ABCB11: variants seen among roughly 807,000 people sequenced by gnomAD.
ABCB11 encodes ATP binding cassette subfamily B member 11.
Under a neutral mutation model 148.0 loss-of-function variants are expected in ABCB11, and 95 were observed. The observed-to-expected ratio is 0.64, with a 90% CI of 0.54 to 0.76. The LOEUF (loss-of-function observed/expected upper bound fraction) is 0.76. Ranked by LOEUF, ABCB11 falls within the 30% of genes least tolerant of loss-of-function variation. ABCB11 has a pLI of 0.00. For synonymous variants in ABCB11, 591 were observed against 555.4 expected (o/e 1.06, Z -0.90); for missense variants, 1,523 against 1,617.8 (o/e 0.94, Z 1.01).
At chr2:168,919,587 C>T (rs1691018478), downstream of ABCB11, among the ~76,000 whole-genome samples, 1 of 151,986 alleles carries the variant, frequency 6.6e-6, no homozygotes, top group African/African-American at 2.4e-5. Flanking sequence ...TCTGTTCTTA[C>T]ATCCCATATC....
chr2:168,944,997 A>G, intron 19 of ABCB11, 36 bp from the exon 20 acceptor site: 1 of 1,335,610 alleles, frequency 7.5e-7, no homozygotes, highest in Non-Finnish European at 1.0e-6. Flanking sequence ...TAACTTTATT[A>G]TAAATAGAAA....
chr2:168,978,779 C>T (rs187862137), intron 11 of ABCB11, among the ~76,000 whole-genome samples: 5 of 152,152 alleles, frequency 3.3e-5, no homozygotes, highest in Non-Finnish European at 5.9e-5. Flanking sequence ...AGAGCAGTGG[C>T]GCAATCATGG....
At chr2:168,965,459 GAAGA>G (rs1473360159) in intron 17 of ABCB11, among the ~76,000 whole-genome samples, 3 of 151,936 alleles carry the variant, frequency 2.0e-5, no homozygotes, top group African/African-American at 7.2e-5. Flanking sequence ...GCTGAGAAAG[GAAGA>G]GAGAGAAACT....
intron 23 of ABCB11, among the ~76,000 whole-genome samples, chr2:168,933,032 C>T (rs1691651317): frequency 6.7e-6 from 1 of 149,864 alleles, no homozygotes; most frequent in Non-Finnish European, 1.5e-5. Flanking sequence ...TGGTATGAAC[C>T]TGGGAGGCAG....
intron 12 of ABCB11, among the ~76,000 whole-genome samples, chr2:168,974,620 T>C (rs950834937): frequency 1.3e-5 from 2 of 151,992 alleles, no homozygotes; most frequent in Non-Finnish European, 2.9e-5. Context: ...TGTGCTTTTT[T>C]ATCATTATAG....
rs569339896 is a variant in ABCB11, at chr2:169,016,852, G to T, written c.77-53C>A. On this transcript the variant is annotated intron_variant, in intron 2 of 27. Coordinates refer to ENST00000650372, the MANE Select transcript of ABCB11 (RefSeq NM_003742.4). ...AAGCAGTTAATAATAATGACAAAAT[G>T]CAACGCAGTCATTAAGAAATTTGCT... 1.2e-5 allele frequency: 17 copies of T among 1,372,176 alleles called. No individual in the cohort carries two copies. In the African/African-American group the frequency reaches 1.6e-4, roughly 13 times the overall value. 85.0% of individuals were successfully genotyped at this position (1,372,176 alleles called of 1,614,324 possible). A position where few individuals can be genotyped will look rare whatever the true frequency, so the allele number is the denominator to read the frequency against.
intron 9 of ABCB11, among the ~76,000 whole-genome samples, chr2:168,988,690 T>C (rs1226530976): frequency 6.6e-6 from 1 of 152,136 alleles, no homozygotes; most frequent in East Asian, 1.9e-4. Flanking sequence ...TGAATCTCCA[T>C]ACTCTTTGGC....
Position 168,923,524 on chromosome 2 carries a change from A to T in ABCB11, c.*98T>A. 3 of 1,114,666 alleles carry T rather than the reference A, an allele frequency of 2.7e-6. No individual in the cohort carries two copies. In the South Asian group the frequency reaches 4.3e-5, roughly 16 times the overall value. 69.0% of individuals were successfully genotyped at this position (1,114,666 alleles called of 1,614,324 possible). On this transcript the variant is annotated 3_prime_UTR_variant, in exon 28 of 28. Transcript: ENST00000650372. ...ATATTAACATTCTTCTTTAAAGAAA[A>T]AACAATCCCAGCAATCCCTCCTGCT...
chr2:168,934,004 C>T (rs552189811), intron 23 of ABCB11, among the ~76,000 whole-genome samples: 24 of 152,250 alleles, frequency 1.6e-4, no homozygotes, highest in South Asian at 6.2e-4. Flanking sequence ...CCACCCGCCT[C>T]GGCCTGAGGT....
intron 21 of ABCB11, among the ~76,000 whole-genome samples, chr2:168,938,368 T>G (rs1691918123): frequency 1.3e-5 from 2 of 152,320 alleles, no homozygotes; most frequent in Middle Eastern, 3.4e-3. Flanking sequence ...TGACACATAC[T>G]ATAGCATAGA....
intron 5 of ABCB11, among the ~76,000 whole-genome samples, chr2:169,010,634 T>C (rs558327630): frequency 6.6e-6 from 1 of 152,312 alleles, no homozygotes; most frequent in South Asian, 2.1e-4. Flanking sequence ...TGCAAACAGT[T>C]TGGGCGACTT....
At chr2:168,941,360 T>A (rs949394888) in intron 21 of ABCB11, among the ~76,000 whole-genome samples, 1 of 152,008 alleles carries the variant, frequency 6.6e-6, no homozygotes, top group African/African-American at 2.4e-5. Flanking sequence ...GGTCAGAATA[T>A]CCACATAAAT....
intron 18 of ABCB11, among the ~76,000 whole-genome samples, chr2:168,961,884 C>G (rs1433045113): frequency 6.6e-6 from 1 of 151,634 alleles, no homozygotes; most frequent in Non-Finnish European, 1.5e-5. Flanking sequence ...ATTTCCCAAT[C>G]TACAGAAAGT....
At chr2:169,011,932 T>C (rs1051868998) in intron 5 of ABCB11, among the ~76,000 whole-genome samples, 7 of 152,150 alleles carry the variant, frequency 4.6e-5, no homozygotes, top group African/African-American at 1.7e-4. Flanking sequence ...CCCAGAGTGT[T>C]ACGATTACAG....
At chr2:168,927,684 C>A (rs974806076) in intron 25 of ABCB11, among the ~76,000 whole-genome samples, 1 of 152,152 alleles carries the variant, frequency 6.6e-6, no homozygotes, top group Admixed American at 6.5e-5. Flanking sequence ...AGCACACTCT[C>A]TACAAATATA....
chr2:169,028,466 G>A (rs529373234), intron 1 of ABCB11, among the ~76,000 whole-genome samples: 5 of 152,180 alleles, frequency 3.3e-5, no homozygotes, highest in African/African-American at 9.6e-5. Flanking sequence ...AAGAGGAGAG[G>A]GAAGAGCAGT....
intron 1 of ABCB11, among the ~76,000 whole-genome samples, chr2:169,018,546 C>T (rs1182580967): frequency 6.6e-6 from 1 of 152,156 alleles, no homozygotes; most frequent in Admixed American, 6.5e-5. Context: ...TCTTGAGTCA[C>T]TGTAGTTGAT....
At chr2:168,969,108 C>T (rs1342566010) in intron 16 of ABCB11, among the ~76,000 whole-genome samples, 4 of 123,616 alleles carry the variant, frequency 3.2e-5, no homozygotes, top group East Asian at 2.3e-4. Flanking sequence ...CTTCTATTTG[C>T]GCAGGGTTAA....
At chr2:169,020,009 G>C (rs1422254771) in intron 1 of ABCB11, among the ~76,000 whole-genome samples, 2 of 152,140 alleles carry the variant, frequency 1.3e-5, no homozygotes, top group Non-Finnish European at 2.9e-5. Flanking sequence ...ACAAGGGTGA[G>C]CACAAGAGTT....
Sources: gnomAD v4.1 joint callset for allele counts (sites outside exome capture counted in the v4.1 genomes callset) on GRCh38, gnomAD v4.1.1 for gene constraint, MANE v1.5 for transcripts, NCBI Gene and HGNC (gene_info 2026-07-23, HGNC 2026-07-21) for gene names.